RGS17: variants seen among roughly 807,000 people sequenced by gnomAD.
RGS17 encodes the protein regulator of G-protein signaling 17.
A neutral mutation model predicts 25.5 loss-of-function variants in RGS17; 12 were observed. The ratio of observed to expected loss-of-function variants is 0.47; its 90% confidence interval spans 0.30 to 0.76. The LOEUF is 0.76. Ranked by LOEUF, RGS17 falls within the 30% of genes least tolerant of loss-of-function variation. The pLI is 0.07. For synonymous variants in RGS17, 71 were observed against 76.9 expected, an observed-to-expected ratio of 0.92 and a Z score of 0.40; for missense variants, 196 against 242.2, an observed-to-expected ratio of 0.81 and a Z score of 1.27.
At chr6:153,067,112 T>C (rs1343237859) in intron 1 of RGS17, among the ~76,000 whole-genome samples, 2 of 152,076 alleles carry the variant, frequency 1.3e-5, no homozygotes, top group Non-Finnish European at 2.9e-5. Flanking sequence ...AAATTCAACA[T>C]TCCTTAATGA....
At chr6:153,026,393 G>T in intron 3 of RGS17, 61 bp downstream of exon 3, 1 of 1,182,240 alleles carries the variant, frequency 8.5e-7, no homozygotes, top group Non-Finnish European at 1.2e-6. Context: ...ACTGAGGCAC[G>T]CAGTTGATGT....
chr6:153,030,793 T>A (rs529436884), intron 2 of RGS17, among the ~76,000 whole-genome samples: 2 of 152,178 alleles, frequency 1.3e-5, no homozygotes, highest in African/African-American at 2.4e-5. Context: ...TGGTTGGACA[T>A]AAAAGGTGAA....
At chr6:153,090,677 T>C (rs751557023) in intron 1 of RGS17, among the ~76,000 whole-genome samples, 1 of 152,030 alleles carries the variant, frequency 6.6e-6, no homozygotes, top group East Asian at 1.9e-4. Flanking sequence ...AAGATTGAAA[T>C]TGTGCACTGT....
chr6:153,017,835 A>G (rs893144465), intron 4 of RGS17, among the ~76,000 whole-genome samples: 9 of 152,024 alleles, frequency 5.9e-5, no homozygotes, highest in Non-Finnish European at 2.9e-5. Flanking sequence ...TTTTCCCTTT[A>G]TAAGTCCATA....
rs1409196299 is a variant in RGS17, at chr6:153,130,703, G to C, written c.-26+421C>G. On this transcript the variant is annotated intron_variant, in intron 1 of 4. Transcript: ENST00000206262. This position sits in a 1 kb window ranked among gnomAD's most constrained non-coding sequence, Gnocchi z 6.4. ...GTTCCCAACCAACCGCACAAAACCC[G>C]CAACACCTCGCGTCCCCGCGGGGTC... Among the ~76,000 whole-genome samples, 1 of 152,060 alleles carries C rather than the reference G, an allele frequency of 6.6e-6. No homozygotes were observed. The highest frequency in any genetic ancestry group is 1.9e-4 in the East Asian group (1 of 5,142).
intron 1 of RGS17, among the ~76,000 whole-genome samples, chr6:153,117,596 T>C (rs771803967): frequency 1.3e-5 from 2 of 152,196 alleles, no homozygotes; most frequent in Non-Finnish European, 2.9e-5. Flanking sequence ...CTGCACCTTG[T>C]GAGTGGACAG....
intron 1 of RGS17, among the ~76,000 whole-genome samples, chr6:153,066,929 A>T (rs1208422196): frequency 6.6e-6 from 1 of 151,964 alleles, no homozygotes; most frequent in Admixed American, 6.6e-5. Context: ...AGTCCCAGCT[A>T]CTCGGGAGGC....
intron 1 of RGS17, among the ~76,000 whole-genome samples, chr6:153,124,225 A>T (rs937472776): frequency 6.6e-6 from 1 of 152,202 alleles, no homozygotes; most frequent in Admixed American, 6.5e-5. Context: ...AATAACTTGA[A>T]GAAGCTTATA....
intron 4 of RGS17, chr6:153,023,442 CT>C (rs1348990692): frequency 4.3e-6 from 2 of 470,236 alleles, no homozygotes; most frequent in Non-Finnish European, 8.6e-6. Flanking sequence ...TCACACAGGG[CT>C]CCAAGGGCCT....
At chr6:153,029,386 T>C (rs1779337321) in intron 2 of RGS17, among the ~76,000 whole-genome samples, 1 of 152,210 alleles carries the variant, frequency 6.6e-6, no homozygotes, top group African/African-American at 2.4e-5. Flanking sequence ...ACTTAACAGT[T>C]TGTCTGTCTT....
At chr6:153,112,440 C>T (rs544851288) in intron 1 of RGS17, among the ~76,000 whole-genome samples, 206 of 152,252 alleles carry the variant, frequency 1.4e-3, no homozygotes, top group Non-Finnish European at 2.5e-3. Flanking sequence ...ACCAAATCTA[C>T]GTTTGATTGG....
rs117485281 is a variant in RGS17, at chr6:153,086,264, T to C, written c.-25-42221A>G. On this transcript the variant is annotated intron_variant, in intron 1 of 4. Coordinates refer to ENST00000206262, the MANE Select transcript of RGS17 (RefSeq NM_012419.5). The stretch of plus-strand genomic sequence containing the variant: ...TTGGAACTAATGATAAATTTTGATG[T>C]AGTGGTTTTAGAAGTATGTTTTATA... Among the ~76,000 whole-genome samples, 19 of 152,354 alleles carry C rather than the reference T, an allele frequency of 1.2e-4. No individual in the cohort carries two copies. In the East Asian group the frequency reaches 3.5e-3, roughly 28 times the overall value.
chr6:153,025,974 T>A (rs1779297827), intron 3 of RGS17, among the ~76,000 whole-genome samples: 2 of 152,036 alleles, frequency 1.3e-5, no homozygotes, highest in South Asian at 4.1e-4. Context: ...CTGGACTATT[T>A]GTATTTTGAT....
At chr6:153,054,761 C>T (rs1020728608) in intron 1 of RGS17, among the ~76,000 whole-genome samples, 2 of 151,800 alleles carry the variant, frequency 1.3e-5, no homozygotes, top group Non-Finnish European at 2.9e-5. Context: ...CATAGGCAAA[C>T]GCTTTATTTG....
Position 153,074,265 on chromosome 6 carries a change from A to G in RGS17, c.-25-30222T>C, listed in dbSNP as rs536104767. 2.1e-4 allele frequency among the ~76,000 whole-genome samples: 31 copies of G among 151,070 alleles called. No individual in the cohort carries two copies. In the South Asian group the frequency reaches 5.5e-3, roughly 27 times the overall value. ...TCTGTGGCTTGTTTGTATAACACTG[A>G]ATTTACTTCTGGCTGTTCATTTATA... On this transcript the variant is annotated intron_variant, in intron 1 of 4. Coordinates refer to ENST00000206262, the MANE Select transcript of RGS17 (RefSeq NM_012419.5).
chr6:153,073,062 C>T (rs1021332553), intron 1 of RGS17, among the ~76,000 whole-genome samples: 5 of 152,190 alleles, frequency 3.3e-5, no homozygotes, highest in African/African-American at 9.7e-5. Flanking sequence ...CTTTCCATCT[C>T]GATGACATAA....
intron 2 of RGS17, among the ~76,000 whole-genome samples, chr6:153,037,983 T>C (rs1333291430): frequency 1.3e-5 from 2 of 152,118 alleles, no homozygotes; most frequent in African/African-American, 4.8e-5. Context: ...GCCATGGCCA[T>C]GGGTATGAAC....
At chr6:153,016,045 G>A (rs1373764849) in intron 4 of RGS17, among the ~76,000 whole-genome samples, 2 of 152,132 alleles carry the variant, frequency 1.3e-5, no homozygotes, top group Non-Finnish European at 2.9e-5. Context: ...AACTGAACCT[G>A]CAGTATTGCT....
intron 1 of RGS17, among the ~76,000 whole-genome samples, chr6:153,064,908 G>C (rs970505479): frequency 2.0e-5 from 3 of 152,000 alleles, no homozygotes; most frequent in Admixed American, 6.6e-5. Flanking sequence ...GAAGACCACA[G>C]TACAACCAGA....
Sources: allele counts gnomAD v4.1 joint callset (sites outside exome capture counted in the v4.1 genomes callset), GRCh38; gene constraint gnomAD v4.1.1; non-coding constraint Gnocchi (gnomAD v3.1); transcripts MANE v1.5; gene names NCBI Gene and HGNC (gene_info 2026-07-23, HGNC 2026-07-21).